AHR: variants seen among roughly 807,000 people sequenced by gnomAD.
The protein encoded by AHR is aryl hydrocarbon receptor, also known as AH-receptor.
Under a neutral mutation model 86.8 loss-of-function variants are expected in AHR, and 40 were observed. The observed-to-expected ratio is 0.46, with a 90% confidence interval of 0.36 to 0.60. AHR has a LOEUF of 0.60. AHR is among the 20% of genes least tolerant of loss of function. The probability of loss-of-function intolerance (pLI) is 0.00; values close to 1 mark genes in which losing one functional copy is unlikely to be tolerated. For synonymous variants in AHR, 398 were observed against 354.9 expected (o/e 1.12, Z -1.37); for missense variants, 1,001 against 1,011.6 (o/e 0.99, Z 0.14).
rs1224114272 is a variant in AHR, at chr7:17,335,016, G to A, written c.1018+20G>A. ...TCCGAAGTAAGTTGTAGTTCCTTAT[G>A]AACATGTCAGAAGAAAACGGCATAT... is the stretch of plus-strand genomic sequence containing the variant. On this transcript the variant is annotated intron_variant, in intron 8 of 10. Coordinates refer to ENST00000242057, the MANE Select transcript of AHR (RefSeq NM_001621.5). The A allele has an allele frequency of 6.4e-7, 1 of 1,564,302 alleles. No homozygotes were observed. Among genetic ancestry groups the A allele is most frequent in the Admixed American group, 1.7e-5 (1 of 58,938 alleles).
At chr7:17,327,947 A>T (rs1307385797) in intron 4 of AHR, 99 bp downstream of exon 4, 1 of 374,976 alleles carries the variant, frequency 2.7e-6, no homozygotes, top group Non-Finnish European at 4.3e-6. Context: ...AAGTATCAAT[A>T]TATGCTGTAG....
At position 17,339,824 on chromosome 7, in the gene AHR, C is replaced by G. The variant is rs1782399504; in HGVS notation, c.1999C>G (p.Gln667Glu). The change falls in exon 10 of 11, where the codon CAA (glutamine) becomes GAA (glutamate). Residue 667 changes from glutamine (Q) to glutamate (E), a missense_variant. This residue lies in a region of AHR where 607 missense variants were observed against 543.1 expected (regional missense o/e 1.12). Coordinates refer to ENST00000242057, the MANE Select transcript of AHR (RefSeq NM_001621.5). ...NQFVPFNCPQ[Q>E]DPQQYNVFTD... Reference sequence around the variant, plus strand: ...ATTCGTGCCTTTCAATTGTCCACAGCAAGACCCACAACAATATAATGTCTT... The same window carrying G: ...ATTCGTGCCTTTCAATTGTCCACAGGAAGACCCACAACAATATAATGTCTT... 2 of 1,614,192 alleles carry G rather than the reference C, an allele frequency of 1.2e-6. No individual in the cohort carries two copies. The highest frequency in any genetic ancestry group is 1.7e-6 in the Non-Finnish European group (2 of 1,180,034).
chr7:17,299,412 A>T, intron 1 of AHR, 83 bp downstream of exon 1: 1 of 1,468,202 alleles, frequency 6.8e-7, no homozygotes, highest in Non-Finnish European at 9.3e-7. Context: ...CCCGCCCCCA[A>T]ATCCCTGCGA....
Position 17,339,072 on chromosome 7 carries a change from C to A in AHR, c.1247C>A (p.Ala416Glu). Residue 416 changes from alanine to glutamate, a missense_variant, in exon 10 of 11, where the codon GCA (alanine) becomes GAA (glutamate). By Grantham distance (107) the Ala-to-Glu change is moderately radical. This residue lies in a region of AHR where 607 missense variants were observed against 543.1 expected (regional missense o/e 1.12). Coordinates refer to ENST00000242057, the MANE Select transcript of AHR (RefSeq NM_001621.5). ...FTTGEAVLYE[A>E]TNPFPAIMDP... ...ACTGGAGAAGCTGTGTTGTATGAGG[C>A]AACCAACCCTTTTCCTGCCATAATG... 6.2e-7 allele frequency: 1 copy of A among 1,614,084 alleles called. No individual in the cohort carries two copies. Among genetic ancestry groups the A allele is most frequent in the Non-Finnish European group, 8.5e-7 (1 of 1,179,998 alleles).
intron 9 of AHR, among the ~76,000 whole-genome samples, chr7:17,338,055 C>T (rs916163113): frequency 2.0e-4 from 30 of 151,236 alleles, no homozygotes; most frequent in Admixed American, 4.6e-4. Context: ...AAAAATTAGC[C>T]GGGCGTTGTA....
chr7:17,315,960 T>C (rs1193414678), intron 2 of AHR, among the ~76,000 whole-genome samples: 1 of 152,112 alleles, frequency 6.6e-6, no homozygotes, highest in Non-Finnish European at 1.5e-5. Flanking sequence ...TTAAAGTGAA[T>C]AAAATATTCC....
rs1446469603 is a variant in AHR at position 17,339,519 on chromosome 7, A to G, written c.1694A>G (p.Asp565Gly). ...HMQNEKFFRN[D>G]FSGEVDFRDI... Reference sequence around the variant, plus strand: ...CAGAATGAAAAATTTTTCAGAAATGATTTTTCTGGTGAGGTTGACTTCAGA... The same window carrying G: ...CAGAATGAAAAATTTTTCAGAAATGGTTTTTCTGGTGAGGTTGACTTCAGA... Residue 565 changes from aspartate to glycine, a missense_variant, in exon 10 of 11, where the codon GAT becomes GGT. By Grantham distance (94) the Asp-to-Gly change is moderately conservative (BLOSUM62 -1). Coordinates refer to ENST00000242057, the MANE Select transcript of AHR (RefSeq NM_001621.5). 6.2e-7 allele frequency: 1 copy of G among 1,613,988 alleles called. No homozygotes were observed. The highest frequency in any genetic ancestry group is 1.7e-5 in the Admixed American group (1 of 59,984).
chr7:17,305,387 G>C (rs922819345), intron 1 of AHR, among the ~76,000 whole-genome samples: 3 of 152,126 alleles, frequency 2.0e-5, no homozygotes, highest in Admixed American at 6.5e-5. Context: ...AGAATGAATG[G>C]GGTTAAGAGT....
chr7:17,334,803 G>A (rs1018043425), intron 7 of AHR, 84 bp from the exon 8 acceptor site: 26 of 995,752 alleles, frequency 2.6e-5, no homozygotes, highest in Admixed American at 1.2e-4. Flanking sequence ...AGAAACTAGC[G>A]TAAAACCAAT....
At chr7:17,311,459 T>C (rs964308757) in intron 2 of AHR, among the ~76,000 whole-genome samples, 6 of 152,198 alleles carry the variant, frequency 3.9e-5, no homozygotes, top group African/African-American at 1.4e-4. Flanking sequence ...TGGTAATTTG[T>C]GTTTAGAATA....
Position 17,339,896 on chromosome 7 carries a change from A to G in AHR, c.2071A>G (p.Met691Val). Reference protein sequence around the residue: ...ISQEFPYKSEMDSMPYTQNFI... With the variant: ...ISQEFPYKSEVDSMPYTQNFI... Reference sequence around the variant, plus strand: ...TCAAGAGTTCCCCTACAAATCTGAAATGGATTCTATGCCTTATACACAGAA... The same window carrying G: ...TCAAGAGTTCCCCTACAAATCTGAAGTGGATTCTATGCCTTATACACAGAA... The change falls in exon 10 of 11, where the codon ATG becomes GTG. Residue 691 changes from methionine to valine, a missense_variant. Met to Val is a conservative substitution (Grantham distance 21). This residue lies in a region of AHR where 607 missense variants were observed against 543.1 expected (regional missense o/e 1.12). Coordinates refer to ENST00000242057, the MANE Select transcript of AHR (RefSeq NM_001621.5). The G allele has an allele frequency of 6.2e-7, 1 of 1,614,192 alleles. No individual in the cohort carries two copies. The highest frequency in any genetic ancestry group is 8.5e-7 in the Non-Finnish European group (1 of 1,180,030).
At chr7:17,304,307 T>G (rs1781984284) in intron 1 of AHR, among the ~76,000 whole-genome samples, 1 of 152,146 alleles carries the variant, frequency 6.6e-6, no homozygotes, top group Admixed American at 6.6e-5. Flanking sequence ...ATCACAATTT[T>G]GGATTATATA....
chr7:17,317,342 G>A (rs1010619113), intron 2 of AHR, among the ~76,000 whole-genome samples: 1 of 152,060 alleles, frequency 6.6e-6, no homozygotes, highest in African/African-American at 2.4e-5. Flanking sequence ...TTGGAAAAGT[G>A]TGATAGCTTG....
chr7:17,324,933 A>C (rs1782212941), intron 3 of AHR, among the ~76,000 whole-genome samples: 1 of 152,246 alleles, frequency 6.6e-6, no homozygotes, highest in Non-Finnish European at 1.5e-5. Flanking sequence ...TGTTTATTTC[A>C]TAAGTTTAAA....
intron 1 of AHR, among the ~76,000 whole-genome samples, chr7:17,308,374 T>C (rs1352232536): frequency 6.6e-6 from 1 of 152,150 alleles, no homozygotes; most frequent in Non-Finnish European, 1.5e-5. Flanking sequence ...AGTTGCTGCT[T>C]CTGCTTAGCT....
Position 17,327,853 on chromosome 7 carries a change from G to A in AHR, c.450+5G>A, listed in dbSNP as rs1782245473. 2.3e-6 allele frequency: 3 copies of A among 1,331,212 alleles called. No homozygotes were observed. 82.5% of individuals were successfully genotyped at this position (1,331,212 alleles called of 1,614,324 possible). A position where few individuals can be genotyped will look rare whatever the true frequency, so the allele number is the denominator to read the frequency against. ...GATTATCTAGGGTTTCAGCAGGTAAGTATATATTATTTATATCATTTATAT... is the reference window on the plus strand; with the variant it reads ...GATTATCTAGGGTTTCAGCAGGTAAATATATATTATTTATATCATTTATAT... On this transcript the variant is annotated splice_donor_5th_base_variant and intron_variant, in intron 4 of 10. Transcript: ENST00000242057.
chr7:17,299,413 A>C, intron 1 of AHR, 84 bp downstream of exon 1: 20 of 1,437,472 alleles, frequency 1.4e-5, no homozygotes, highest in Middle Eastern at 1.7e-4. Flanking sequence ...CCGCCCCCAA[A>C]TCCCTGCGAT....
intron 2 of AHR, among the ~76,000 whole-genome samples, chr7:17,320,172 T>C (rs989718797): frequency 6.6e-6 from 1 of 151,952 alleles, no homozygotes; most frequent in African/African-American, 2.4e-5. Flanking sequence ...TGTAATACTT[T>C]AATTAAACCC....
At chr7:17,319,943 T>C (rs1782151990) in intron 2 of AHR, among the ~76,000 whole-genome samples, 1 of 152,050 alleles carries the variant, frequency 6.6e-6, no homozygotes, top group Non-Finnish European at 1.5e-5. Flanking sequence ...ACTTCAATTA[T>C]TTACCAGTGA....
Sources: allele counts gnomAD v4.1 joint callset (sites outside exome capture counted in the v4.1 genomes callset), GRCh38; gene constraint gnomAD v4.1.1; regional missense constraint gnomAD v4.1.1; transcripts MANE v1.5; gene names NCBI Gene and HGNC (gene_info 2026-07-23, HGNC 2026-07-21).